The following EGF variants were observed in gnomAD, a reference collection of about 807,000 sequenced individuals.
The protein encoded by EGF is pro-epidermal growth factor.
A neutral mutation model predicts 143.8 loss-of-function variants in EGF; 95 were observed. The ratio of observed to expected loss-of-function variants is 0.66; its 90% confidence interval spans 0.56 to 0.78. EGF has a LOEUF of 0.78. Ranked by LOEUF, EGF falls within the 30% of genes least tolerant of loss-of-function variation. The probability of loss-of-function intolerance (pLI) is 0.00; values close to 1 mark genes in which losing one functional copy is unlikely to be tolerated. For missense variants in EGF, 1,320 were observed against 1,470.9 expected (o/e 0.90, Z 1.68); for synonymous variants, 510 against 510.5 (o/e 1.00, Z 0.01).
At chr4:109,920,070 A>G (rs1385261975) in intron 1 of EGF, among the ~76,000 whole-genome samples, 10 of 151,622 alleles carry the variant, frequency 6.6e-5, no homozygotes, top group Non-Finnish European at 1.2e-4. Flanking sequence ...CATATAGATG[A>G]ATTTATAAGT....
intron 2 of EGF, among the ~76,000 whole-genome samples, chr4:109,941,368 G>A (rs1249147280): frequency 6.6e-6 from 1 of 152,138 alleles, no homozygotes; most frequent in Non-Finnish European, 1.5e-5. Flanking sequence ...GGATATGAAT[G>A]TAATTTTGAA....
chr4:109,913,613 T>C (rs1011538165), intron 1 of EGF, 151 bp downstream of exon 1: 2 of 1,119,318 alleles, frequency 1.8e-6, no homozygotes, highest in Non-Finnish European at 2.6e-6. Flanking sequence ...ATGTTTATTT[T>C]CTTACTGGCC....
At position 109,974,772 on chromosome 4, in the gene EGF, T is replaced by C; in HGVS notation, c.1794T>C (p.Ser598=). Residue 598 remains serine, a synonymous_variant, in exon 12 of 24, where the codon TCT becomes TCC. Transcript: ENST00000265171. ...RSKIITKENI[S]QPRGIAVHPM... ...AAATAATCACTAAGGAGAACATCTCTCAACCACGAGGAATTGCTGTTCATC... is the reference window on the plus strand; with the variant it reads ...AAATAATCACTAAGGAGAACATCTCCCAACCACGAGGAATTGCTGTTCATC... The C allele has an allele frequency of 6.2e-7, 1 of 1,613,634 alleles. No homozygotes were observed. Among genetic ancestry groups the C allele is most frequent in the Non-Finnish European group, 8.5e-7 (1 of 1,179,632 alleles).
intron 1 of EGF, chr4:109,940,708 A>T (rs1032047003): frequency 6.0e-6 from 3 of 497,200 alleles, no homozygotes; most frequent in African/African-American, 5.8e-5. Context: ...CAGAGAGTTC[A>T]TTTTTCATAA....
Position 109,964,514 on chromosome 4 carries a change from G to A in EGF, c.1552G>A (p.Asp518Asn). The change falls in exon 10 of 24, where the codon GAT (aspartate) becomes AAT (asparagine). Residue 518 changes from aspartate to asparagine, a missense_variant. Coordinates refer to ENST00000265171, the MANE Select transcript of EGF (RefSeq NM_001963.6). ...GCAGATGGGAATGGTTTATGCCCTA[G>A]ATCATGACCCTGTGGAAAATAAGGT... ...SQQMGMVYAL[D>N]HDPVENKIYF... 1 of 1,613,902 alleles carries A rather than the reference G, an allele frequency of 6.2e-7. No individual in the cohort carries two copies. The highest frequency in any genetic ancestry group is 1.1e-5 in the South Asian group (1 of 91,076).
intron 1 of EGF, among the ~76,000 whole-genome samples, chr4:109,915,457 A>T (rs1736469509): frequency 6.6e-6 from 1 of 152,174 alleles, no homozygotes; most frequent in Non-Finnish European, 1.5e-5. Flanking sequence ...CCGTATTTGA[A>T]CAGTGCAGTG....
At chr4:109,979,869 G>A (rs940272277) in intron 13 of EGF, 103 bp from the exon 14 acceptor site, 1 of 1,398,710 alleles carries the variant, frequency 7.1e-7, no homozygotes, top group African/African-American at 1.4e-5. Flanking sequence ...CTAAAGAGCT[G>A]ATTTAGTGTA....
intron 22 of EGF, among the ~76,000 whole-genome samples, chr4:110,006,936 C>T (rs891738872): frequency 2.6e-5 from 4 of 152,146 alleles, no homozygotes; most frequent in African/African-American, 9.7e-5. Context: ...CCCACCTCAG[C>T]CCAGAATTTC....
intron 1 of EGF, among the ~76,000 whole-genome samples, chr4:109,938,161 A>C (rs1741193367): frequency 6.6e-6 from 1 of 152,184 alleles, no homozygotes; most frequent in African/African-American, 2.4e-5. Context: ...AATCAAATGT[A>C]GATTTGGTCT....
chr4:109,958,149 C>A (rs1323748082), intron 5 of EGF, among the ~76,000 whole-genome samples: 1 of 152,198 alleles, frequency 6.6e-6, no homozygotes, highest in African/African-American at 2.4e-5. Context: ...CTCCCATATA[C>A]TTTAAATCAT....
chr4:109,980,988 A>G lies in EGF; in HGVS notation c.2371+13A>G. On this transcript the variant is annotated intron_variant, in intron 15 of 23. Transcript: ENST00000265171. ...CAGCTGTTGGCAGGTAATATAATAA[A>G]TTATGTGGCAAATTACCTAACGTTG... 6.2e-7 allele frequency: 1 copy of G among 1,614,046 alleles called. No homozygotes were observed. Among genetic ancestry groups the G allele is most frequent in the Non-Finnish European group, 8.5e-7 (1 of 1,179,938 alleles).
intron 5 of EGF, among the ~76,000 whole-genome samples, chr4:109,947,231 A>G (rs1316487892): frequency 3.9e-5 from 6 of 152,212 alleles, no homozygotes; most frequent in African/African-American, 9.6e-5. Context: ...AGGCTGCTCA[A>G]TGTACCTCAT....
rs185335192 is a variant in EGF, at chr4:109,927,760, T to C, written c.128-13186T>C. On this transcript the variant is annotated intron_variant, in intron 1 of 23. Coordinates refer to ENST00000265171, the MANE Select transcript of EGF (RefSeq NM_001963.6). ...AAAAAAAGACATGTCCAAAAGTAGA[T>C]GCAAAACTCAGTAGACAGATCAGGA... is the stretch of plus-strand genomic sequence containing the variant. Among the ~76,000 whole-genome samples, 761 of 148,156 alleles carry C rather than the reference T, an allele frequency of 5.1e-3. 5 individuals carry two copies. The highest frequency in any genetic ancestry group is 8.7e-3 in the Non-Finnish European group (583 of 67,208).
intron 19 of EGF, among the ~76,000 whole-genome samples, chr4:109,994,363 C>T (rs1469949167): frequency 6.6e-6 from 1 of 152,128 alleles, no homozygotes; most frequent in African/African-American, 2.4e-5. Context: ...CATAGAGTTA[C>T]CAGTTGTTCA....
At chr4:109,936,332 A>G (rs1244337364) in intron 1 of EGF, among the ~76,000 whole-genome samples, 3 of 152,140 alleles carry the variant, frequency 2.0e-5, no homozygotes, top group African/African-American at 7.2e-5. Flanking sequence ...GTTTATTTGC[A>G]TAGAGGTGTT....
intron 21 of EGF, among the ~76,000 whole-genome samples, chr4:110,002,754 A>G (rs986613007): frequency 6.6e-6 from 1 of 151,954 alleles, no homozygotes; most frequent in South Asian, 2.1e-4. Flanking sequence ...AGATTATTTC[A>G]TCACCCAGGT....
At chr4:109,971,949 A>C (rs538593711) in intron 11 of EGF, among the ~76,000 whole-genome samples, 40 of 152,320 alleles carry the variant, frequency 2.6e-4, no homozygotes, top group African/African-American at 9.4e-4. Flanking sequence ...AGGAATACTG[A>C]TTCCTAAAGT....
chr4:109,920,909 C>G (rs1439044092), intron 1 of EGF, among the ~76,000 whole-genome samples: 2 of 151,632 alleles, frequency 1.3e-5, no homozygotes, highest in Non-Finnish European at 2.9e-5. Context: ...TTTATTACCA[C>G]TGAGGTGGTT....
chr4:109,916,390 A>T (rs556129784), intron 1 of EGF, among the ~76,000 whole-genome samples: 1 of 152,264 alleles, frequency 6.6e-6, no homozygotes, highest in South Asian at 2.1e-4. Flanking sequence ...TAAATTTTGG[A>T]GACAGATTTC....
Sources: gnomAD v4.1 joint callset for allele counts (sites outside exome capture counted in the v4.1 genomes callset) on GRCh38, gnomAD v4.1.1 for gene constraint, MANE v1.5 for transcripts, NCBI Gene and HGNC (gene_info 2026-07-23, HGNC 2026-07-21) for gene names.